CAMK2D: variants seen among roughly 807,000 people sequenced by gnomAD.
CAMK2D encodes calcium/calmodulin dependent protein kinase II delta.
A neutral mutation model predicts 84.0 loss-of-function variants in CAMK2D; 37 were observed. The observed-to-expected ratio is 0.44, with a 90% CI of 0.34 to 0.58. The LOEUF (loss-of-function observed/expected upper bound fraction) is 0.58. CAMK2D is among the 20% of genes least tolerant of loss of function. The pLI is 0.02. For missense variants in CAMK2D, 448 were observed against 652.5 expected, an observed-to-expected ratio of 0.69 and a Z score of 3.41; for synonymous variants, 202 against 212.5, an observed-to-expected ratio of 0.95 and a Z score of 0.43.
chr4:113,733,548 G>C (rs542967868), intron 2 of CAMK2D, among the ~76,000 whole-genome samples: 1 of 152,184 alleles, frequency 6.6e-6, no homozygotes, highest in Non-Finnish European at 1.5e-5. Context: ...GAAAAGTCAA[G>C]TTATCAGGTA....
chr4:113,693,448 C>T (rs2099394117), intron 2 of CAMK2D, among the ~76,000 whole-genome samples: 1 of 152,060 alleles, frequency 6.6e-6, no homozygotes, highest in African/African-American at 2.4e-5. Context: ...AGATTAGCTA[C>T]TCACTTGCCA....
At chr4:113,642,438 T>A (rs758557063) in intron 3 of CAMK2D, among the ~76,000 whole-genome samples, 6 of 152,196 alleles carry the variant, frequency 3.9e-5, no homozygotes, top group Non-Finnish European at 8.8e-5. Flanking sequence ...TCAAGGCATA[T>A]CTGAACACTA....
chr4:113,480,555 T>A (rs1169389793), intron 16 of CAMK2D, among the ~76,000 whole-genome samples: 1 of 152,024 alleles, frequency 6.6e-6, no homozygotes, highest in Non-Finnish European at 1.5e-5. Flanking sequence ...TAAAAGGGCT[T>A]GAGGGCCGGG....
At chr4:113,589,664 G>C (rs993899224) in intron 4 of CAMK2D, among the ~76,000 whole-genome samples, 4 of 152,148 alleles carry the variant, frequency 2.6e-5, no homozygotes, top group Non-Finnish European at 5.9e-5. Flanking sequence ...AACTGTTTTA[G>C]ATATCTTAAA....
At chr4:113,603,198 C>T (rs1349539184) in intron 4 of CAMK2D, among the ~76,000 whole-genome samples, 3 of 151,836 alleles carry the variant, frequency 2.0e-5, no homozygotes, top group African/African-American at 7.3e-5. Flanking sequence ...GATGACTTTG[C>T]GTTATTTTAT....
chr4:113,461,381 G>C (rs1174177872), intron 17 of CAMK2D, among the ~76,000 whole-genome samples: 1 of 152,194 alleles, frequency 6.6e-6, no homozygotes, highest in South Asian at 2.1e-4. Context: ...GTTTAAGAGA[G>C]GAAGAAAATT....
chr4:113,741,159 A>G (rs2099591953), intron 2 of CAMK2D, among the ~76,000 whole-genome samples: 1 of 152,150 alleles, frequency 6.6e-6, no homozygotes, highest in African/African-American at 2.4e-5. Context: ...AAGAGTAGTG[A>G]TACTGGCAAT....
At chr4:113,618,845 C>T (rs920567777) in intron 3 of CAMK2D, among the ~76,000 whole-genome samples, 21 of 152,260 alleles carry the variant, frequency 1.4e-4, no homozygotes, top group African/African-American at 4.8e-4. Flanking sequence ...AATATAGCTG[C>T]AGGCACCAGT....
At chr4:113,534,275 T>A (rs2098475671) in intron 7 of CAMK2D, among the ~76,000 whole-genome samples, 1 of 152,148 alleles carries the variant, frequency 6.6e-6, no homozygotes, top group African/African-American at 2.4e-5. Flanking sequence ...GAAAGAAACG[T>A]AGAACACCAC....
chr4:113,585,493 C>T (rs778950746), intron 4 of CAMK2D, among the ~76,000 whole-genome samples: 1 of 152,066 alleles, frequency 6.6e-6, no homozygotes, highest in Admixed American at 6.6e-5. Flanking sequence ...CAGATGTTAT[C>T]TGATTTCATA....
At chr4:113,568,342 G>T (rs1403361307) in intron 4 of CAMK2D, among the ~76,000 whole-genome samples, 2 of 152,074 alleles carry the variant, frequency 1.3e-5, no homozygotes, top group African/African-American at 4.8e-5. Context: ...GTGCTTTTGG[G>T]TCTAGCTTAT....
At chr4:113,581,368 C>T (rs1365952779) in intron 4 of CAMK2D, among the ~76,000 whole-genome samples, 1 of 151,864 alleles carries the variant, frequency 6.6e-6, no homozygotes, top group Non-Finnish European at 1.5e-5. Context: ...ACAAAATTAG[C>T]CAAGTGTGGT....
At chr4:113,595,712 C>T (rs936042009) in intron 4 of CAMK2D, among the ~76,000 whole-genome samples, 5 of 152,214 alleles carry the variant, frequency 3.3e-5, no homozygotes, top group Middle Eastern at 3.4e-3. Context: ...TGTGCAATAG[C>T]GTTATCTCTA....
At chr4:113,744,108 G>A (rs1345161583) in intron 2 of CAMK2D, among the ~76,000 whole-genome samples, 1 of 152,146 alleles carries the variant, frequency 6.6e-6, no homozygotes, top group Non-Finnish European at 1.5e-5. Context: ...CCAAAGTGCT[G>A]GGATTACAGG....
Position 113,624,296 on chromosome 4 carries a change from T to C in CAMK2D, c.221-15090A>G, listed in dbSNP as rs2099058742. Reference sequence around the variant, plus strand: ...AGCCAAGATGTACCATGGAAAGATGTCTTGAATATAACTTCTACAAAAAAT... The same window carrying C: ...AGCCAAGATGTACCATGGAAAGATGCCTTGAATATAACTTCTACAAAAAAT... On this transcript the variant is annotated intron_variant, in intron 3 of 20. Transcript: ENST00000511664. Among the ~76,000 whole-genome samples the C allele has an allele frequency of 2.6e-5, 4 of 152,302 alleles. No individual in the cohort carries two copies. The South Asian group carries it at 6.2e-4, about 24-fold the overall frequency.
intron 16 of CAMK2D, among the ~76,000 whole-genome samples, chr4:113,468,557 G>A (rs2154115335): frequency 6.6e-6 from 1 of 152,256 alleles, no homozygotes; most frequent in Admixed American, 6.5e-5. Context: ...CTTGTTGTTG[G>A]AACTGTTGCC....
chr4:113,705,190 G>A (rs969829219), intron 2 of CAMK2D, among the ~76,000 whole-genome samples: 15 of 151,374 alleles, frequency 9.9e-5, no homozygotes, highest in African/African-American at 2.7e-4. Flanking sequence ...AGCCGGGCGT[G>A]GAGGCAGGCG....
At position 113,466,259 on chromosome 4, in the gene CAMK2D, A is replaced by AAAATAAATAAAT. The variant is rs3062115; in HGVS notation, c.1136-667_1136-656dup. Among the ~76,000 whole-genome samples the AAAATAAATAAAT allele has an allele frequency of 2.0e-4, 29 of 146,098 alleles. No individual in the cohort carries two copies. The East Asian group carries it at 2.0e-3, about 10-fold the overall frequency. On this transcript the variant is annotated intron_variant, in intron 16 of 20. Transcript: ENST00000511664. ...GCAACAAGAGCAAAACTCCGTCTCA[A>AAAATAAATAAAT]AAATAAATAAATAAATAAATAAATA...
chr4:113,566,971 G>A (rs751251355), intron 4 of CAMK2D, among the ~76,000 whole-genome samples: 2 of 151,792 alleles, frequency 1.3e-5, no homozygotes, highest in Non-Finnish European at 2.9e-5. Flanking sequence ...GTCCATTACT[G>A]TATTCCAGGA....
Sources: gnomAD v4.1 joint callset for allele counts (sites outside exome capture counted in the v4.1 genomes callset) on GRCh38, gnomAD v4.1.1 for gene constraint, MANE v1.5 for transcripts, NCBI Gene and HGNC (gene_info 2026-07-23, HGNC 2026-07-21) for gene names.